Variants in GPM6A observed in about 807,000 individuals in gnomAD.
GPM6A encodes neuronal membrane glycoprotein M6-a.
In GPM6A, 7 loss-of-function variants were observed where a neutral mutation model predicts 32.1. The observed-to-expected ratio is 0.22, with a 90% CI of 0.12 to 0.41. GPM6A has a LOEUF of 0.41. GPM6A is among the 10% of genes least tolerant of loss of function. The pLI is 1.00. For missense variants in GPM6A, 235 were observed against 347.2 expected (o/e 0.68, Z 2.57); for synonymous variants, 130 against 123.4 (o/e 1.05, Z -0.35).
At chr4:175,639,286 CA>C (rs1340973689) in intron 6 of GPM6A, among the ~76,000 whole-genome samples, 1 of 152,068 alleles carries the variant, frequency 6.6e-6, no homozygotes, top group Admixed American at 6.6e-5. Context: ...AAGAGAAAAA[CA>C]TTTTTTTATG....
At chr4:175,768,123 T>A (rs1376119314) in intron 1 of GPM6A, among the ~76,000 whole-genome samples, 1 of 152,222 alleles carries the variant, frequency 6.6e-6, no homozygotes, top group East Asian at 1.9e-4. Flanking sequence ...GGGAAGAATT[T>A]GTTTTAATTA....
In GPM6A at chr4:175,693,686, C is replaced by A. The variant is rs115742140; in HGVS notation, c.230+7889G>T. 3.7e-3 allele frequency among the ~76,000 whole-genome samples: 564 copies of A among 152,190 alleles called. 5 individuals are homozygous for A. The highest frequency in any genetic ancestry group is 0.013 in the African/African-American group (548 of 41,528). The stretch of plus-strand genomic sequence containing the variant: ...TCTCTCTGAACCATAAAGAACAAAG[C>A]AAGTTTTCTTCTATCTGATAACTGT... On this transcript the variant is annotated intron_variant, in intron 2 of 6. Transcript: ENST00000393658.
intron 1 of GPM6A, among the ~76,000 whole-genome samples, chr4:175,972,821 A>C (rs554797003): frequency 6.6e-6 from 1 of 152,156 alleles, no homozygotes; most frequent in South Asian, 2.1e-4. Flanking sequence ...TGTCTTTTCT[A>C]TGCTGTGACA....
chr4:175,991,075 C>CTTTTTT (rs36032066), intron 1 of GPM6A, among the ~76,000 whole-genome samples: 2 of 140,130 alleles, frequency 1.4e-5, no homozygotes, highest in African/African-American at 5.3e-5. Context: ...ATCTTTCTTT[C>CTTTTTT]TTTTTTTTTT....
chr4:175,751,745 G>GTT (rs113661841), intron 1 of GPM6A, among the ~76,000 whole-genome samples: 6 of 143,232 alleles, frequency 4.2e-5, no homozygotes, highest in African/African-American at 5.1e-5. Context: ...CGATGCACCT[G>GTT]TTTTTTTTTT....
intron 1 of GPM6A, among the ~76,000 whole-genome samples, chr4:175,878,430 A>G (rs1372011634): frequency 1.6e-4 from 25 of 152,102 alleles, no homozygotes. Context: ...TCTGAAATCG[A>G]GGTGGAGGTT....
At chr4:175,693,738 G>A (rs60120352) in intron 2 of GPM6A, among the ~76,000 whole-genome samples, 172 of 152,148 alleles carry the variant, frequency 1.1e-3, no homozygotes, top group East Asian at 3.5e-3. Context: ...TGAAACTATC[G>A]TGTTCTTATT....
At chr4:175,646,112 G>T (rs967087649) in intron 4 of GPM6A, among the ~76,000 whole-genome samples, 2 of 152,038 alleles carry the variant, frequency 1.3e-5, no homozygotes, top group Non-Finnish European at 2.9e-5. Context: ...ATTCAGGCTC[G>T]TTACTTTCTT....
intron 1 of GPM6A, among the ~76,000 whole-genome samples, chr4:175,835,222 T>C (rs1735727624): frequency 6.6e-6 from 1 of 152,202 alleles, no homozygotes; most frequent in South Asian, 2.1e-4. Context: ...GAGAATATCA[T>C]ACACTAAGAC....
At chr4:175,859,135 A>G (rs1227081401) in intron 1 of GPM6A, among the ~76,000 whole-genome samples, 5 of 152,328 alleles carry the variant, frequency 3.3e-5, no homozygotes, top group Non-Finnish European at 7.3e-5. Context: ...GGAAGGATGT[A>G]TACATGTTAA....
At chr4:175,637,673 TAATA>T (rs1560842713) in intron 6 of GPM6A, among the ~76,000 whole-genome samples, 14 of 4,294 alleles carry the variant, frequency 3.3e-3, no homozygotes, top group African/African-American at 4.3e-3. Flanking sequence ...ATAATATATA[TAATA>T]TATATATAAT....
At chr4:175,970,157 A>G (rs1740456562) in intron 1 of GPM6A, among the ~76,000 whole-genome samples, 1 of 152,156 alleles carries the variant, frequency 6.6e-6, no homozygotes, top group Admixed American at 6.5e-5. Context: ...AAATAAAACT[A>G]TTTTGCCCTT....
intron 1 of GPM6A, among the ~76,000 whole-genome samples, chr4:175,958,244 G>T (rs1428693756): frequency 6.6e-6 from 1 of 152,172 alleles, no homozygotes; most frequent in Admixed American, 6.6e-5. Context: ...TTGCTTTCCT[G>T]TAAAATATTA....
intron 1 of GPM6A, among the ~76,000 whole-genome samples, chr4:175,838,400 A>G (rs1242972924): frequency 6.7e-6 from 1 of 149,966 alleles, no homozygotes; most frequent in African/African-American, 2.4e-5. Flanking sequence ...CTTGGATGAT[A>G]GGGTGATGTA....
In GPM6A at chr4:175,838,112, G is replaced by GACACACACACAC. The variant is rs10548625; in HGVS notation, c.-22-25875_-22-25864dup. On this transcript the variant is annotated intron_variant, in intron 1 of 7. Coordinates refer to the GPM6A transcript ENST00000280187. ...TAAAACACACACACACACACACACA[G>GACACACACACAC]ACACACACACACACACACACACACA... Among the ~76,000 whole-genome samples, 1,406 of 141,958 alleles carry GACACACACACAC rather than the reference G, an allele frequency of 9.9e-3. 34 individuals are homozygous for GACACACACACAC. Among genetic ancestry groups the GACACACACACAC allele is most frequent in the African/African-American group, 0.033 (1,270 of 38,390 alleles). The allele number at this position is 141,958 out of a possible 152,430, so 93.1% of individuals were successfully genotyped here.
chr4:175,736,605 C>T (rs915423290), intron 1 of GPM6A, among the ~76,000 whole-genome samples: 5 of 152,072 alleles, frequency 3.3e-5, no homozygotes, highest in Admixed American at 2.6e-4. Flanking sequence ...CTCAAAATAG[C>T]TAAATTTACT....
intron 1 of GPM6A, among the ~76,000 whole-genome samples, chr4:175,780,202 C>G (rs1189736622): frequency 1.3e-5 from 2 of 152,146 alleles, no homozygotes; most frequent in South Asian, 4.2e-4. Flanking sequence ...TGCCTGCCCC[C>G]ACGCCCAGCT....
chr4:175,975,860 T>C (rs17062327), intron 1 of GPM6A, among the ~76,000 whole-genome samples: 8,088 of 152,240 alleles, frequency 0.053, 540 homozygotes, highest in African/African-American at 0.16. Flanking sequence ...ACTAAATTAA[T>C]TTCTCTGTAA....
chr4:175,722,990 A>C (rs1314827029), intron 1 of GPM6A, among the ~76,000 whole-genome samples: 2 of 152,094 alleles, frequency 1.3e-5, no homozygotes, highest in African/African-American at 4.8e-5. Context: ...TGGAGGCTGC[A>C]GTGAGCCATG....
Sources: gnomAD v4.1 joint callset for allele counts (sites outside exome capture counted in the v4.1 genomes callset) on GRCh38, gnomAD v4.1.1 for gene constraint, MANE v1.5 for transcripts, NCBI Gene and HGNC (gene_info 2026-07-23, HGNC 2026-07-21) for gene names.